Variants in NXNL2 observed in about 807,000 individuals in gnomAD.
NXNL2 encodes nucleoredoxin like 2, also known as nucleoredoxin-like protein 2.
A neutral mutation model predicts 11.1 loss-of-function variants in NXNL2; 7 were observed. The observed-to-expected ratio is 0.63, with a 90% CI of 0.36 to 1.18. NXNL2 has a LOEUF of 1.18. Among genes scored for constraint, NXNL2 ranks in the 50% most tolerant of loss-of-function variants. NXNL2 has a pLI of 0.02. For synonymous variants in NXNL2, 109 were observed against 101.8 expected, an observed-to-expected ratio of 1.07 and a Z score of -0.42; for missense variants, 233 against 217.7, an observed-to-expected ratio of 1.07 and a Z score of -0.44.
intron 1 of NXNL2, among the ~76,000 whole-genome samples, chr9:88,536,526 C>T (rs552016839): frequency 6.6e-6 from 1 of 152,046 alleles, no homozygotes; most frequent in Admixed American, 6.5e-5. Context: ...AAGCAGGCCT[C>T]GTCAAGTATG....
At chr9:88,561,974 C>T (rs1224767872) in intron 1 of NXNL2, among the ~76,000 whole-genome samples, 2 of 152,154 alleles carry the variant, frequency 1.3e-5, no homozygotes, top group African/African-American at 2.4e-5. Context: ...TCCTATGTTA[C>T]CCAAAGACAC....
chr9:88,539,361 ACTG>A (rs146160350), intron 1 of NXNL2, among the ~76,000 whole-genome samples: 4 of 151,790 alleles, frequency 2.6e-5, no homozygotes, highest in Admixed American at 6.6e-5. Flanking sequence ...TAGGTGAGAT[ACTG>A]CTGCTGCTGC....
intron 1 of NXNL2, among the ~76,000 whole-genome samples, chr9:88,563,172 GA>G (rs1295061572): frequency 2.0e-5 from 3 of 152,212 alleles, no homozygotes; most frequent in Non-Finnish European, 4.4e-5. Flanking sequence ...AGACCGACTT[GA>G]TTCCTGTTTG....
chr9:88,550,328 G>T (rs778210421), intron 1 of NXNL2, among the ~76,000 whole-genome samples: 65 of 152,226 alleles, frequency 4.3e-4, no homozygotes, highest in Admixed American at 9.8e-4. Flanking sequence ...GACCAAGCTG[G>T]ACCTGGGTCT....
chr9:88,578,716 TC>T (rs1830376681), downstream of NXNL2, among the ~76,000 whole-genome samples: 1 of 152,220 alleles, frequency 6.6e-6, no homozygotes, highest in Non-Finnish European at 1.5e-5. Context: ...GGCTGGGCGC[TC>T]AGCCCCATCT....
At chr9:88,536,059 A>T (rs1428678662) in intron 1 of NXNL2, among the ~76,000 whole-genome samples, 1 of 152,140 alleles carries the variant, frequency 6.6e-6, no homozygotes, top group South Asian at 2.1e-4. Context: ...AGTGGTGGTG[A>T]TGCTGTGAGT....
intron 2 of NXNL2, among the ~76,000 whole-genome samples, chr9:88,572,719 C>T (rs1204429506): frequency 6.6e-6 from 1 of 152,226 alleles, no homozygotes; most frequent in Non-Finnish European, 1.5e-5. Context: ...CCTTAGCTCT[C>T]CATCCCCCAT....
chr9:88,578,473 G>T (rs1179002868), downstream of NXNL2, among the ~76,000 whole-genome samples: 1 of 152,220 alleles, frequency 6.6e-6, no homozygotes, highest in Non-Finnish European at 1.5e-5. Context: ...AATTTATTTG[G>T]TAATCAGTTA....
intron 1 of NXNL2, among the ~76,000 whole-genome samples, chr9:88,581,689 C>T (rs1479375955): frequency 2.6e-5 from 4 of 152,208 alleles, no homozygotes; most frequent in Non-Finnish European, 4.4e-5. Flanking sequence ...CACCCGACCT[C>T]AGGTGATCCG....
intron 1 of NXNL2, among the ~76,000 whole-genome samples, chr9:88,582,894 C>G (rs887343126): frequency 6.6e-6 from 1 of 152,222 alleles, no homozygotes; most frequent in Admixed American, 6.5e-5. Flanking sequence ...TCTCGAACTC[C>G]TGACCTCAAG....
At chr9:88,553,776 G>A (rs1829975681) in intron 1 of NXNL2, among the ~76,000 whole-genome samples, 1 of 152,082 alleles carries the variant, frequency 6.6e-6, no homozygotes, top group Admixed American at 6.5e-5. Flanking sequence ...CAAGATTAAA[G>A]CCTTATGGTT....
chr9:88,559,467 G>A (rs1394184987), intron 1 of NXNL2, among the ~76,000 whole-genome samples: 2 of 152,136 alleles, frequency 1.3e-5, no homozygotes, highest in Non-Finnish European at 2.9e-5. Flanking sequence ...TCTGGTACTT[G>A]CCCCTCCAAC....
exon 3 of NXNL2, chr9:88,575,163 G>A (rs1830331404): frequency 1.4e-5 from 14 of 985,048 alleles, no homozygotes; most frequent in Non-Finnish European, 1.4e-5. Flanking sequence ...TTCTCCCCCC[G>A]CACCATCCGT....
At chr9:88,561,239 A>T (rs1216597884) in intron 1 of NXNL2, among the ~76,000 whole-genome samples, 1 of 152,180 alleles carries the variant, frequency 6.6e-6, no homozygotes, top group African/African-American at 2.4e-5. Flanking sequence ...CCCAGCCTAC[A>T]TCTTTCTCCC....
At chr9:88,563,993 T>C (rs565673365) in intron 1 of NXNL2, among the ~76,000 whole-genome samples, 1 of 152,004 alleles carries the variant, frequency 6.6e-6, no homozygotes, top group African/African-American at 2.4e-5. Flanking sequence ...GGTGGATCAC[T>C]TAAGGTCAGG....
chr9:88,567,094 T>A (rs370935842), intron 1 of NXNL2, among the ~76,000 whole-genome samples: 1 of 152,196 alleles, frequency 6.6e-6, no homozygotes, highest in Admixed American at 6.6e-5. Context: ...GCCTGGTTGA[T>A]AGAACTGGTA....
intron 1 of NXNL2, among the ~76,000 whole-genome samples, chr9:88,540,978 C>T (rs1484267728): frequency 8.3e-6 from 1 of 120,518 alleles, no homozygotes; most frequent in Non-Finnish European, 1.6e-5. Flanking sequence ...TAGGGTCTTG[C>T]ACCATCATCC....
chr9:88,548,339 CAAAAAAAAAA>C (rs60796870), downstream of NXNL2, among the ~76,000 whole-genome samples: 7 of 31,016 alleles, frequency 2.3e-4, no homozygotes, highest in Non-Finnish European at 3.3e-4. Context: ...GACTTTTTCT[CAAAAAAAAAA>C]AAAAAAAAAA....
chr9:88,549,596 A>C (rs78834369), downstream of NXNL2, among the ~76,000 whole-genome samples: 1 of 152,232 alleles, frequency 6.6e-6, no homozygotes, highest in African/African-American at 2.4e-5. Context: ...GAGAGATCCA[A>C]CTACACTGTG....
Sources: allele counts gnomAD v4.1 joint callset (sites outside exome capture counted in the v4.1 genomes callset), GRCh38; gene constraint gnomAD v4.1.1; transcripts MANE v1.5; gene names NCBI Gene and HGNC (gene_info 2026-07-23, HGNC 2026-07-21).